ABCC3: variants seen among roughly 807,000 people sequenced by gnomAD.
The protein encoded by ABCC3 is ATP-binding cassette sub-family C member 3.
Under a neutral mutation model 165.3 loss-of-function variants are expected in ABCC3, and 121 were observed. The ratio of observed to expected loss-of-function variants is 0.73; its 90% CI spans 0.63 to 0.85. The LOEUF (loss-of-function observed/expected upper bound fraction) is 0.85. Ranked by LOEUF, ABCC3 falls within the 40% of genes least tolerant of loss-of-function variation. ABCC3 has a pLI of 0.00. For missense variants in ABCC3, 1,869 were observed against 1,964.1 expected, an observed-to-expected ratio of 0.95 and a Z score of 0.92; for synonymous variants, 733 against 810.1, an observed-to-expected ratio of 0.90 and a Z score of 1.62.
At position 50,684,732 on chromosome 17, in the gene ABCC3, C is replaced by T. The variant is rs1414354064; in HGVS notation, c.4137C>T (p.Thr1379=). The T allele has an allele frequency of 3.7e-6, 6 of 1,613,920 alleles. No homozygotes were observed. Among genetic ancestry groups the T allele is most frequent in the Non-Finnish European group, 5.1e-6 (6 of 1,179,988 alleles). The stretch of plus-strand genomic sequence containing the variant: ...AGGACCCCATCCTGTTCTCGGGGAC[C>T]CTGCGCATGAACCTGGACCCCTTCG... ...IPQDPILFSG[T]LRMNLDPFGS... is the part of the protein sequence containing the mutation. Residue 1379 remains threonine (T), a synonymous_variant, in exon 29 of 31, where the codon ACC becomes ACT. Coordinates refer to ENST00000285238, the MANE Select transcript of ABCC3 (RefSeq NM_003786.4).
At chr17:50,680,396 G>A (rs1055533597) in intron 26 of ABCC3, among the ~76,000 whole-genome samples, 2 of 152,078 alleles carry the variant, frequency 1.3e-5, no homozygotes, top group Non-Finnish European at 2.9e-5. Flanking sequence ...TTCCCTACTG[G>A]GGGTTCCAGA....
chr17:50,679,978 A>G (rs537936708), intron 26 of ABCC3, 79 bp downstream of exon 26: 4 of 1,093,192 alleles, frequency 3.7e-6, no homozygotes, highest in African/African-American at 1.5e-5. Context: ...CTCTCCCTCA[A>G]CATCAGGGCC....
At chr17:50,650,355 C>T (rs1967092367) in intron 1 of ABCC3, among the ~76,000 whole-genome samples, 1 of 152,224 alleles carries the variant, frequency 6.6e-6, no homozygotes, top group Non-Finnish European at 1.5e-5. Context: ...GATCCACCCG[C>T]CTCTGCCTCC....
rs368375796 is a variant in ABCC3 at position 50,658,395 on chromosome 17, G to A, written c.613-40G>A. The A allele has an allele frequency of 1.2e-5, 20 of 1,600,568 alleles. No individual in the cohort carries two copies. In the East Asian group the frequency reaches 1.6e-4, roughly 13 times the overall value. ...CCTACTCTGCTTTGAGAGGGTGGTG[G>A]GCACTCCTGATTCCCCCGTCCTATT... On this transcript the variant is annotated intron_variant, in intron 5 of 30. Transcript: ENST00000285238.
At chr17:50,649,860 A>T (rs2146596968) in intron 1 of ABCC3, among the ~76,000 whole-genome samples, 1 of 152,318 alleles carries the variant, frequency 6.6e-6, no homozygotes, top group Middle Eastern at 3.4e-3. Flanking sequence ...GGCATATACA[A>T]AAAGTTACAT....
intron 19 of ABCC3, chr17:50,674,135 C>T (rs1295605428): frequency 6.7e-6 from 1 of 150,142 alleles, no homozygotes. Context: ...GGTACAATCT[C>T]AGCTCACTGC....
At chr17:50,643,755 G>A in intron 1 of ABCC3, 3 of 393,886 alleles carry the variant, frequency 7.6e-6, no homozygotes, top group East Asian at 7.3e-5. Flanking sequence ...GAGCAAGGGG[G>A]TAGGAGCAAG....
rs1967299525 is a variant in ABCC3 at position 50,658,223 on chromosome 17, A to AG, written c.612+19dup. Reference sequence around the variant, plus strand: ...TGTCGACCCTGTGAGTTTCCCATGGAGGGTGCGGGGGCTCCACAGCTGAGT... The same window carrying AG: ...TGTCGACCCTGTGAGTTTCCCATGGAGGGGTGCGGGGGCTCCACAGCTGAGT... On this transcript the variant is annotated intron_variant, in intron 5 of 30. Transcript: ENST00000285238. 3.1e-6 allele frequency: 5 copies of AG among 1,614,028 alleles called. No individual in the cohort carries two copies. The Admixed American group carries it at 8.3e-5, about 27-fold the overall frequency.
intron 11 of ABCC3, among the ~76,000 whole-genome samples, chr17:50,665,591 C>A (rs914580746): frequency 1.3e-5 from 2 of 150,552 alleles, no homozygotes; most frequent in Non-Finnish European, 2.9e-5. Flanking sequence ...GCAAACATTT[C>A]TTGAAGTGTT....
Position 50,673,243 on chromosome 17 carries a change from C to A in ABCC3, c.2409+105C>A, listed in dbSNP as rs372711890. On this transcript the variant is annotated intron_variant, in intron 18 of 30. Transcript: ENST00000285238. ...GGATGAGACTTGGAGGTGTGGGGGG[C>A]GCAAGAAGTGGGCATGTGGGTTGGG... The A allele has an allele frequency of 1.4e-5, 20 of 1,434,186 alleles. No homozygotes were observed. The African/African-American group carries it at 2.2e-4, about 16-fold the overall frequency. 88.8% of individuals were successfully genotyped at this position (1,434,186 alleles called of 1,614,324 possible).
intron 1 of ABCC3, among the ~76,000 whole-genome samples, chr17:50,652,457 A>T (rs1967130639): frequency 6.6e-6 from 1 of 152,196 alleles, no homozygotes; most frequent in Non-Finnish European, 1.5e-5. Context: ...TTTTTTATTC[A>T]TTTAATCTTT....
intron 10 of ABCC3, chr17:50,664,447 G>A (rs1481280419): frequency 3.4e-6 from 1 of 296,870 alleles, no homozygotes; most frequent in Non-Finnish European, 6.4e-6. Flanking sequence ...GCTCACGCCT[G>A]TAATCCCAGC....
intron 17 of ABCC3, among the ~76,000 whole-genome samples, chr17:50,671,108 T>G (rs1967638453): frequency 6.6e-6 from 1 of 151,840 alleles, no homozygotes; most frequent in Middle Eastern, 3.4e-3. Flanking sequence ...ACAAACAAAT[T>G]AGCCGAGTGT....
chr17:50,643,559 A>G (rs1235644326), intron 1 of ABCC3: 1 of 456,292 alleles, frequency 2.2e-6, no homozygotes, highest in Non-Finnish European at 4.4e-6. Context: ...AACCCAGCCC[A>G]CTGCCTGACT....
intron 13 of ABCC3, 137 bp downstream of exon 13, chr17:50,668,146 TC>T (rs1454866396): frequency 2.4e-6 from 2 of 828,030 alleles, no homozygotes; most frequent in Non-Finnish European, 3.8e-6. Flanking sequence ...GAAGAGCTAT[TC>T]AAGGTTGAAT....
chr17:50,679,589 G>C, intron 25 of ABCC3: 2 of 460,148 alleles, frequency 4.3e-6, no homozygotes, highest in East Asian at 3.4e-5. Flanking sequence ...GGTGGTCCTT[G>C]GTTAAGTCTG....
intron 30 of ABCC3, among the ~76,000 whole-genome samples, chr17:50,688,895 G>A (rs1396998503): frequency 1.5e-5 from 2 of 136,940 alleles, no homozygotes; most frequent in African/African-American, 2.8e-5. Flanking sequence ...AGAGTGAGAC[G>A]TTGTCTCAAA....
intron 30 of ABCC3, chr17:50,688,263 ACT>A (rs1968059949): frequency 6.5e-6 from 1 of 153,446 alleles, no homozygotes; most frequent in South Asian, 2.0e-4. Flanking sequence ...CTCCACAGGC[ACT>A]GTCTTTGTGC....
intron 1 of ABCC3, among the ~76,000 whole-genome samples, chr17:50,642,563 A>G (rs961624620): frequency 3.3e-5 from 5 of 152,098 alleles, no homozygotes; most frequent in African/African-American, 1.2e-4. Context: ...TTTGCTGTTC[A>G]TTCTCCCTCA....
Sources: gnomAD v4.1 joint callset for allele counts (sites outside exome capture counted in the v4.1 genomes callset) on GRCh38, gnomAD v4.1.1 for gene constraint, MANE v1.5 for transcripts, NCBI Gene and HGNC (gene_info 2026-07-23, HGNC 2026-07-21) for gene names.